The following GABRA3 variants were observed in gnomAD, a reference collection of about 807,000 sequenced individuals.
The protein encoded by GABRA3 is gamma-aminobutyric acid type A receptor subunit alpha3, also known as gamma-aminobutyric acid receptor subunit alpha-3.
A neutral mutation model predicts 30.1 loss-of-function variants in GABRA3; 10 were observed. The observed-to-expected ratio is 0.33, with a 90% confidence interval of 0.20 to 0.56. GABRA3 has a LOEUF of 0.56. GABRA3 is among the 20% of genes least tolerant of loss of function. The pLI is 0.89. For missense variants in GABRA3, 233 were observed against 392.0 expected (o/e 0.59, Z 3.42); for synonymous variants, 151 against 146.8 (o/e 1.03, Z -0.21).
intron 4 of GABRA3, among the ~76,000 whole-genome samples, chrX:152,265,712 G>C (rs770937023): frequency 9.0e-6 from 1 of 110,963 alleles, no homozygotes; most frequent in South Asian, 3.8e-4. Flanking sequence ...AAAAACAGTA[G>C]GTTTGTGAAA....
In GABRA3 at chrX:152,320,016, C is replaced by A. The variant is rs751893388; in HGVS notation, c.262+25565G>T. 2.7e-5 allele frequency among the ~76,000 whole-genome samples: 3 copies of A among 110,916 alleles called. No individual in the cohort carries two copies. The Admixed American group carries it at 2.9e-4, about 11-fold the overall frequency. On this transcript the variant is annotated intron_variant, in intron 3 of 9. Coordinates refer to ENST00000370314, the MANE Select transcript of GABRA3 (RefSeq NM_000808.4). ...ATCAGGGAAATGCAAATAAAATCCA[C>A]AATGTGATACCACCTAGCTCCTGAA...
At chrX:152,260,797 A>G (rs1182978455) in intron 4 of GABRA3, among the ~76,000 whole-genome samples, 4 of 111,650 alleles carry the variant, frequency 3.6e-5, no homozygotes. Flanking sequence ...TGAGAAGACT[A>G]TGATAAATAC....
chrX:152,291,549 T>C (rs1939417382), intron 3 of GABRA3, among the ~76,000 whole-genome samples: 1 of 111,832 alleles, frequency 8.9e-6, no homozygotes, highest in Non-Finnish European at 1.9e-5. Flanking sequence ...CAACACTATG[T>C]TGAATAGGAG....
At chrX:152,257,769 A>G (rs1938661390) in intron 4 of GABRA3, among the ~76,000 whole-genome samples, 1 of 112,485 alleles carries the variant, frequency 8.9e-6, no homozygotes, top group South Asian at 3.7e-4. Context: ...AGACAAAATC[A>G]GATCACAACA....
At chrX:152,347,839 C>G (rs1940414049) in intron 2 of GABRA3, among the ~76,000 whole-genome samples, 1 of 110,819 alleles carries the variant, frequency 9.0e-6, no homozygotes, top group Non-Finnish European at 1.9e-5. Flanking sequence ...GAAATCCTGC[C>G]TCTACAAAAA....
chrX:152,339,403 G>A (rs1449204361), intron 3 of GABRA3, among the ~76,000 whole-genome samples: 1 of 110,230 alleles, frequency 9.1e-6, no homozygotes, highest in African/African-American at 3.3e-5. Context: ...ATGTTTAGTA[G>A]AGACGGGGTT....
chrX:152,426,597 GTT>G (rs1481273872), intron 1 of GABRA3, among the ~76,000 whole-genome samples: 1 of 111,551 alleles, frequency 9.0e-6, no homozygotes, highest in Admixed American at 9.5e-5. Context: ...ATGAAAATCA[GTT>G]TCTCCAAACA....
At chrX:152,345,459 A>G (rs1318172490) in intron 3 of GABRA3, 122 bp downstream of exon 3, 3 of 748,704 alleles carry the variant, frequency 4.0e-6, no homozygotes, top group Non-Finnish European at 5.7e-6. Context: ...TAGGGAAGAA[A>G]TTCAGCTTTA....
At chrX:152,382,223 A>G (rs1426681044) in intron 1 of GABRA3, among the ~76,000 whole-genome samples, 2 of 112,534 alleles carry the variant, frequency 1.8e-5, no homozygotes, top group African/African-American at 6.5e-5. Flanking sequence ...TCAAAACCAC[A>G]ATGAGATACC....
At chrX:152,435,148 G>A (rs191062466) in intron 1 of GABRA3, among the ~76,000 whole-genome samples, 2 of 112,184 alleles carry the variant, frequency 1.8e-5, no homozygotes, top group African/African-American at 6.5e-5. Context: ...ATACTCATCT[G>A]TGTAGAAATT....
chrX:152,196,258 G>A (rs1309160910), intron 8 of GABRA3, among the ~76,000 whole-genome samples: 1 of 104,936 alleles, frequency 9.5e-6, no homozygotes, highest in Non-Finnish European at 1.9e-5. Flanking sequence ...ATAGCCAGGC[G>A]TGGTGGTGGG....
At chrX:152,295,980 G>A (rs1232556820) in intron 3 of GABRA3, among the ~76,000 whole-genome samples, 1 of 111,912 alleles carries the variant, frequency 8.9e-6, no homozygotes, top group African/African-American at 3.3e-5. Context: ...TTAGACATAT[G>A]AGATAAATGA....
chrX:152,395,778 T>C (rs1198467133), intron 1 of GABRA3, among the ~76,000 whole-genome samples: 2 of 112,192 alleles, frequency 1.8e-5, no homozygotes, highest in Non-Finnish European at 3.8e-5. Context: ...CCGACATGAC[T>C]GATATATGAG....
intron 3 of GABRA3, among the ~76,000 whole-genome samples, chrX:152,336,181 T>TC (rs1258588126): frequency 1.8e-5 from 2 of 108,711 alleles, no homozygotes; most frequent in African/African-American, 3.4e-5. Context: ...ATTCAATATC[T>TC]CCCCCCCTTC....
intron 9 of GABRA3, among the ~76,000 whole-genome samples, chrX:152,171,828 C>T (rs56063726): frequency 0.014 from 1,621 of 112,001 alleles, 14 homozygotes; most frequent in South Asian, 0.03. Flanking sequence ...ACAGGAACGC[C>T]TTTCCTTCTA....
At chrX:152,197,022 G>C (rs1035906409) in intron 8 of GABRA3, among the ~76,000 whole-genome samples, 3 of 111,904 alleles carry the variant, frequency 2.7e-5, no homozygotes, top group African/African-American at 9.7e-5. Context: ...ATTTATCTCC[G>C]ACAGTGGGAA....
At chrX:152,213,601 C>A (rs1235488711) in intron 6 of GABRA3, among the ~76,000 whole-genome samples, 1 of 111,581 alleles carries the variant, frequency 9.0e-6, no homozygotes, top group Admixed American at 9.5e-5. Flanking sequence ...CGCAACCCCC[C>A]AAAACCAGCA....
intron 8 of GABRA3, among the ~76,000 whole-genome samples, chrX:152,196,541 G>T (rs1478774138): frequency 1.8e-5 from 2 of 110,976 alleles, no homozygotes; most frequent in African/African-American, 6.6e-5. Context: ...TATCTAGTTT[G>T]TTACATTTCC....
At chrX:152,237,753 A>C (rs112086925) in intron 5 of GABRA3, among the ~76,000 whole-genome samples, 1 of 106,144 alleles carries the variant, frequency 9.4e-6, no homozygotes, top group Non-Finnish European at 1.9e-5. Flanking sequence ...TCTTTGAAGC[A>C]ATTGTGAATG....
Sources: gnomAD v4.1 joint callset for allele counts (sites outside exome capture counted in the v4.1 genomes callset) on GRCh38, gnomAD v4.1.1 for gene constraint, MANE v1.5 for transcripts, NCBI Gene and HGNC (gene_info 2026-07-23, HGNC 2026-07-21) for gene names.